PDE4D: variants seen among roughly 807,000 people sequenced by gnomAD.
PDE4D encodes the protein phosphodiesterase 4D, also known as 3',5'-cyclic-AMP phosphodiesterase 4D.
Under a neutral mutation model 87.4 loss-of-function variants are expected in PDE4D, and 24 were observed. The ratio of observed to expected loss-of-function variants is 0.27; its 90% CI spans 0.20 to 0.39. The LOEUF (loss-of-function observed/expected upper bound fraction) is 0.39, where lower values mean the gene tolerates loss of function less well. PDE4D is among the 10% of genes least tolerant of loss of function. The pLI is 1.00. For synonymous variants in PDE4D, 384 were observed against 383.2 expected (o/e 1.00, Z -0.02); for missense variants, 714 against 1,041.0 (o/e 0.69, Z 4.32).
chr5:60,252,135 T>C (rs1013520398), intron 1 of PDE4D, among the ~76,000 whole-genome samples: 3 of 151,946 alleles, frequency 2.0e-5, no homozygotes, highest in African/African-American at 7.2e-5. Context: ...TGTATCTAAG[T>C]ACACTCTACA....
intron 1 of PDE4D, among the ~76,000 whole-genome samples, chr5:60,426,323 A>G (rs1743709454): frequency 6.6e-6 from 1 of 152,240 alleles, no homozygotes; most frequent in East Asian, 1.9e-4. Context: ...AATGTGGCAC[A>G]TATATACCAT....
rs116209775 is a variant in PDE4D at position 59,523,256 on chromosome 5, T to C, written c.456-307288A>G. Among the ~76,000 whole-genome samples, 711 of 152,366 alleles carry C rather than the reference T, an allele frequency of 4.7e-3. 3 individuals are homozygous for C. The highest frequency in any genetic ancestry group is 0.016 in the African/African-American group (659 of 41,602). On this transcript the variant is annotated intron_variant, in intron 1 of 14. Transcript: ENST00000340635. ...TCCACATTGAACTTTAAAATCCTTA[T>C]TAGCATTTTGTATCTGAAAATTATA...
chr5:60,374,358 A>G (rs1761269477), intron 1 of PDE4D, among the ~76,000 whole-genome samples: 1 of 152,212 alleles, frequency 6.6e-6, no homozygotes. Flanking sequence ...AGCAAAAAAG[A>G]ATGGCACTAG....
In PDE4D at chr5:59,401,344, C is replaced by T. The variant is rs934192087; in HGVS notation, c.456-185376G>A. 8.5e-5 allele frequency among the ~76,000 whole-genome samples: 13 copies of T among 152,174 alleles called. 1 individual carries two copies. Among genetic ancestry groups the T allele is most frequent in the Admixed American group, 2.0e-4 (3 of 15,284 alleles). On this transcript the variant is annotated intron_variant, in intron 1 of 14. Coordinates refer to ENST00000340635, the MANE Select transcript of PDE4D (RefSeq NM_001104631.2). ...CCTGTAGACCTGCACACCTGTAGATCGCTGGAGCCCAAACGTTCAAGGTTA... is the reference window on the plus strand; with the variant it reads ...CCTGTAGACCTGCACACCTGTAGATTGCTGGAGCCCAAACGTTCAAGGTTA...
chr5:60,440,515 G>A (rs1283859215), intron 1 of PDE4D, among the ~76,000 whole-genome samples: 2 of 152,090 alleles, frequency 1.3e-5, no homozygotes, highest in Admixed American at 6.6e-5. Flanking sequence ...GTGAAGGATC[G>A]TGGAGGAAGT....
intron 1 of PDE4D, among the ~76,000 whole-genome samples, chr5:59,431,480 T>A (rs567547142): frequency 3.0e-4 from 45 of 152,242 alleles, no homozygotes; most frequent in Admixed American, 2.7e-3. Context: ...TATTTAAGCA[T>A]CCTGGGACCT....
intron 1 of PDE4D, among the ~76,000 whole-genome samples, chr5:59,882,622 A>G (rs1439155007): frequency 2.0e-5 from 3 of 152,114 alleles, no homozygotes; most frequent in African/African-American, 7.2e-5. Flanking sequence ...AAATGTGTCA[A>G]TCCATGTATT....
At chr5:59,179,011 A>G (rs886260311) in intron 5 of PDE4D, among the ~76,000 whole-genome samples, 1 of 152,164 alleles carries the variant, frequency 6.6e-6, no homozygotes, top group African/African-American at 2.4e-5. Flanking sequence ...CCTCCAACTC[A>G]GTTTAGACTC....
chr5:59,677,422 T>G (rs980115223), intron 1 of PDE4D, among the ~76,000 whole-genome samples: 4 of 152,152 alleles, frequency 2.6e-5, no homozygotes, highest in Admixed American at 2.6e-4. Flanking sequence ...TTAACTCTTG[T>G]CACACTAATA....
chr5:59,581,069 A>T (rs1824047357), intron 1 of PDE4D, among the ~76,000 whole-genome samples: 1 of 152,180 alleles, frequency 6.6e-6, no homozygotes, highest in Admixed American at 6.5e-5. Flanking sequence ...GTCACCTAAT[A>T]GTCCATCAAG....
intron 1 of PDE4D, among the ~76,000 whole-genome samples, chr5:59,508,510 T>TA (rs1809685449): frequency 6.6e-6 from 1 of 151,702 alleles, no homozygotes; most frequent in Admixed American, 6.6e-5. Context: ...TTTCCAGAGA[T>TA]AAAATACTAA....
At chr5:59,202,330 G>A (rs1043019085) in intron 2 of PDE4D, among the ~76,000 whole-genome samples, 1 of 151,948 alleles carries the variant, frequency 6.6e-6, no homozygotes, top group Admixed American at 6.6e-5. Flanking sequence ...ATGATCCACA[G>A]CGCCTCGCCC....
intron 6 of PDE4D, among the ~76,000 whole-genome samples, chr5:59,009,314 C>T (rs1435864015): frequency 6.6e-6 from 1 of 152,030 alleles, no homozygotes; most frequent in East Asian, 1.9e-4. Context: ...AACCCAGAAA[C>T]AGTTCAGATA....
chr5:59,511,370 A>G (rs1204040778), intron 1 of PDE4D, among the ~76,000 whole-genome samples: 1 of 152,004 alleles, frequency 6.6e-6, no homozygotes, highest in Admixed American at 6.5e-5. Context: ...GTATACAATT[A>G]TTATTATAGC....
chr5:60,502,737 C>T (rs1442492103), intron 1 of PDE4D, among the ~76,000 whole-genome samples: 2 of 152,124 alleles, frequency 1.3e-5, no homozygotes, highest in African/African-American at 4.8e-5. Flanking sequence ...TTGATCCATG[C>T]TTTTGGAGGG....
In PDE4D at chr5:59,769,443, T is replaced by A. The variant is rs573332057; in HGVS notation, c.455+123725A>T. 4.6e-5 allele frequency among the ~76,000 whole-genome samples: 7 copies of A among 152,360 alleles called. No homozygotes were observed. The South Asian group carries it at 1.4e-3, about 32-fold the overall frequency. On this transcript the variant is annotated intron_variant, in intron 1 of 14. Coordinates refer to ENST00000340635, the MANE Select transcript of PDE4D (RefSeq NM_001104631.2). The stretch of plus-strand genomic sequence containing the variant: ...CAATTACTATTTGTGATATATACAA[T>A]TTTATGTATTCAACTATAAGAGGGT...
intron 5 of PDE4D, among the ~76,000 whole-genome samples, chr5:59,078,379 C>T (rs1350118371): frequency 6.6e-6 from 1 of 152,038 alleles, no homozygotes; most frequent in Non-Finnish European, 1.5e-5. Context: ...ACCCCTAATT[C>T]TAAATGTTCA....
chr5:59,445,715 G>T (rs1212557073), intron 1 of PDE4D, among the ~76,000 whole-genome samples: 1 of 152,078 alleles, frequency 6.6e-6, no homozygotes, highest in Non-Finnish European at 1.5e-5. Context: ...TTCATAGTCT[G>T]GGAATTATGT....
chr5:60,158,820 C>T (rs1289499969), intron 2 of PDE4D, among the ~76,000 whole-genome samples: 3 of 152,142 alleles, frequency 2.0e-5, no homozygotes, highest in Admixed American at 2.0e-4. Context: ...CCGCCCGCCT[C>T]GGCCTCCCAA....
Sources: allele counts gnomAD v4.1 joint callset (sites outside exome capture counted in the v4.1 genomes callset), GRCh38; gene constraint gnomAD v4.1.1; transcripts MANE v1.5; gene names NCBI Gene and HGNC (gene_info 2026-07-23, HGNC 2026-07-21).